CXCR1: variants seen among roughly 807,000 people sequenced by gnomAD.
CXCR1 encodes the protein C-X-C chemokine receptor type 1.
For synonymous variants in CXCR1, 180 were observed against 184.7 expected (o/e 0.97, Z 0.21); for missense variants, 419 against 440.5 (o/e 0.95, Z 0.44).
At chr2:218,165,306 T>C (rs1276820128) in intron 1 of CXCR1, 62 bp from the exon 2 acceptor site, 35 of 1,232,362 alleles carry the variant, frequency 2.8e-5, no homozygotes, top group Non-Finnish European at 1.2e-6. Flanking sequence ...TTCTCATCAA[T>C]GATGTGAGAG....
In CXCR1 at chr2:218,164,312, G is replaced by A. The variant is rs773089011; in HGVS notation, c.900C>T (p.Leu300=). The part of the protein sequence containing the change: ...TEILGFLHSC[L]NPIIYAFIGQ... Reference sequence around the variant, plus strand: ...CGATGAAGGCGTAGATGATGGGGTTGAGGCAGCTATGGAGAAATCCCAGAA... The same window carrying A: ...CGATGAAGGCGTAGATGATGGGGTTAAGGCAGCTATGGAGAAATCCCAGAA... The change falls in exon 2 of 2, where the codon CTC becomes CTT. Residue 300 remains leucine (L), a synonymous_variant. Transcript: ENST00000295683. 2 of 1,612,076 alleles carry A rather than the reference G, an allele frequency of 1.2e-6. No individual in the cohort carries two copies. Among genetic ancestry groups the A allele is most frequent in the African/African-American group, 1.3e-5 (1 of 74,872 alleles).
chr2:218,164,534 C>T lies in CXCR1; in HGVS notation c.678G>A (p.Leu226=). Residue 226 remains leucine, a synonymous_variant, in exon 2 of 2, where the codon CTG becomes CTA. Coordinates refer to ENST00000295683, the MANE Select transcript of CXCR1 (RefSeq NM_000634.3). ...FVMLFCYGFT[L]RTLFKAHMGQ... is the part of the protein sequence containing the mutation. The stretch of plus-strand genomic sequence containing the variant: ...CCATGTGGGCCTTAAACAGTGTACG[C>T]AGGGTGAATCCATAGCAGAACAGCA... The T allele has an allele frequency of 4.3e-6, 7 of 1,614,144 alleles. No homozygotes were observed. The highest frequency in any genetic ancestry group is 5.9e-6 in the Non-Finnish European group (7 of 1,180,042).
chr2:218,164,103 T>C lies in CXCR1; in HGVS notation c.*56A>G, dbSNP rs1477617351. 1.0e-5 allele frequency: 16 copies of C among 1,596,888 alleles called. No individual in the cohort carries two copies. Among genetic ancestry groups the C allele is most frequent in the Non-Finnish European group, 1.2e-5 (14 of 1,171,882 alleles). ...GCCAGATCACCTTCCACACACAACC[T>C]CAGGGTGTTGGTTATTCTTTCCTTC... is the stretch of plus-strand genomic sequence containing the variant. On this transcript the variant is annotated 3_prime_UTR_variant, in exon 2 of 2. Coordinates refer to ENST00000295683, the MANE Select transcript of CXCR1 (RefSeq NM_000634.3).
In CXCR1 at chr2:218,163,489, A is replaced by C. The variant is rs1028481781; in HGVS notation, c.*670T>G. On this transcript the variant is annotated 3_prime_UTR_variant, in exon 2 of 2. Transcript: ENST00000295683. ...ACTTGGGGCTCAGCAGGTGGCCAGC[A>C]CATGTGTCTGCGATGTTGGTCATGG... is the stretch of plus-strand genomic sequence containing the variant. The C allele has an allele frequency of 1.3e-5, 2 of 154,798 alleles. No individual in the cohort carries two copies. Among genetic ancestry groups the C allele is most frequent in the African/African-American group, 4.8e-5 (2 of 41,446 alleles). 9.6% of individuals were successfully genotyped at this position (154,798 alleles called of 1,614,324 possible). A position where few individuals can be genotyped will look rare whatever the true frequency, so the allele number is the denominator to read the frequency against.
Position 218,164,462 on chromosome 2 carries a change from G to A in CXCR1, c.750C>T (p.Ile250=), listed in dbSNP as rs1417637484. The change falls in exon 2 of 2, where the codon ATC becomes ATT. Residue 250 remains isoleucine, a synonymous_variant. Coordinates refer to ENST00000295683, the MANE Select transcript of CXCR1 (RefSeq NM_000634.3). ...TGTAGGGCAGCCAGCAAAGCAGGAA[G>A]ATGAGGACGACAGCAAAGATGACCC... The part of the protein sequence containing the change: ...AMRVIFAVVL[I]FLLCWLPYNL... 3 of 1,614,112 alleles carry A rather than the reference G, an allele frequency of 1.9e-6. No individual in the cohort carries two copies. Among genetic ancestry groups the A allele is most frequent in the African/African-American group, 2.7e-5 (2 of 74,942 alleles).
rs749800593 is a variant in CXCR1, at chr2:218,166,934, C to G, written c.-60G>C. The G allele has an allele frequency of 6.6e-6, 1 of 152,240 alleles. No individual in the cohort carries two copies. The highest frequency in any genetic ancestry group is 1.5e-5 in the Non-Finnish European group (1 of 68,048). 9.4% of individuals were successfully genotyped at this position (152,240 alleles called of 1,614,324 possible). A position where few individuals can be genotyped will look rare whatever the true frequency, so the allele number is the denominator to read the frequency against. ...TGAAGCACCGGCCAGGTGTGTCCAACAGTAGGAGCTGCAGTCAGAGATCAG... is the reference window on the plus strand; with the variant it reads ...TGAAGCACCGGCCAGGTGTGTCCAAGAGTAGGAGCTGCAGTCAGAGATCAG... On this transcript the variant is annotated 5_prime_UTR_variant, in exon 1 of 2. Coordinates refer to ENST00000295683, the MANE Select transcript of CXCR1 (RefSeq NM_000634.3).
chr2:218,163,642 G>T lies in CXCR1; in HGVS notation c.*517C>A, dbSNP rs1236440731. 1 of 161,378 alleles carries T rather than the reference G, an allele frequency of 6.2e-6. No individual in the cohort carries two copies. The highest frequency in any genetic ancestry group is 1.4e-5 in the Non-Finnish European group (1 of 72,334). 10.0% of individuals were successfully genotyped at this position (161,378 alleles called of 1,614,324 possible). ...GGCCAGCTGGCAGGTTGATGTTTTGGCAGTGCCTGCCTCAATGTCTCCAGC... is the reference window on the plus strand; with the variant it reads ...GGCCAGCTGGCAGGTTGATGTTTTGTCAGTGCCTGCCTCAATGTCTCCAGC... On this transcript the variant is annotated 3_prime_UTR_variant, in exon 2 of 2. Transcript: ENST00000295683.
chr2:218,165,363 G>C, intron 1 of CXCR1, 119 bp from the exon 2 acceptor site: 1 of 777,340 alleles, frequency 1.3e-6, no homozygotes, highest in Non-Finnish European at 2.2e-6. Context: ...GGCAATGAGA[G>C]CTCTCCTTCC....
rs139052408 is a variant in CXCR1 at position 218,164,601 on chromosome 2, A to G, written c.611T>C (p.Ile204Thr). 1.9e-6 allele frequency: 3 copies of G among 1,614,110 alleles called. No individual in the cohort carries two copies. Among genetic ancestry groups the G allele is most frequent in the Non-Finnish European group, 2.5e-6 (3 of 1,180,052 alleles). The change falls in exon 2 of 2, where the codon ATC becomes ACC. Residue 204 changes from isoleucine to threonine, a missense_variant. By Grantham distance (89) the Ile-to-Thr change is moderately conservative. Transcript: ENST00000295683. Reference protein sequence around the residue: ...DTAKWRMVLRILPHTFGFIVP... With the variant: ...DTAKWRMVLRTLPHTFGFIVP... ...GATGAAGCCAAAGGTGTGAGGCAGG[A>G]TCCGCAACACCATCCGCCATTTTGC...
Position 218,164,890 on chromosome 2 carries a change from A to G in CXCR1, c.322T>C (p.Phe108Leu), listed in dbSNP as rs1339156465. Residue 108 changes from phenylalanine to leucine, a missense_variant, in exon 2 of 2, where the codon TTC (phenylalanine) becomes CTC (leucine). By Grantham distance (22) the Phe-to-Leu change is conservative. Transcript: ENST00000295683. ...SKVNGWIFGT[F>L]LCKVVSLLKE... ...AGGAGTGAGACCACCTTGCACAGGAATGTGCCAAAAATCCAGCCATTCACC... is the reference window on the plus strand; with the variant it reads ...AGGAGTGAGACCACCTTGCACAGGAGTGTGCCAAAAATCCAGCCATTCACC... 1.2e-6 allele frequency: 2 copies of G among 1,614,136 alleles called. No homozygotes were observed. The highest frequency in any genetic ancestry group is 1.7e-6 in the Non-Finnish European group (2 of 1,180,048).
Position 218,164,209 on chromosome 2 carries a change from G to T in CXCR1, c.1003C>A (p.Arg335Ser). The change falls in exon 2 of 2, where the codon CGT becomes AGT. Residue 335 changes from arginine (R) to serine (S), a missense_variant. Coordinates refer to ENST00000295683, the MANE Select transcript of CXCR1 (RefSeq NM_000634.3). Reference sequence around the variant, plus strand: ...GACGAAGAAGTGTAGGAGGTAACACGATGACGTGCCAAGAACTCCTTGCTG... The same window carrying T: ...GACGAAGAAGTGTAGGAGGTAACACTATGACGTGCCAAGAACTCCTTGCTG... ...LVSKEFLARH[R>S]VTSYTSSSVN... 6.2e-7 allele frequency: 1 copy of T among 1,614,142 alleles called. No individual in the cohort carries two copies. Among genetic ancestry groups the T allele is most frequent in the Non-Finnish European group, 8.5e-7 (1 of 1,180,016 alleles).
At position 218,164,625 on chromosome 2, in the gene CXCR1, G is replaced by A. The variant is rs1691250469; in HGVS notation, c.587C>T (p.Ala196Val). The change falls in exon 2 of 2, where the codon GCA (alanine) becomes GTA (valine). Residue 196 changes from alanine to valine, a missense_variant. Coordinates refer to ENST00000295683, the MANE Select transcript of CXCR1 (RefSeq NM_000634.3). ...GATCCGCAACACCATCCGCCATTTT[G>A]CTGTGTCATTTCCCAGGACCTCATA... ...VCYEVLGNDT[A>V]KWRMVLRILP... is the part of the protein sequence containing the mutation. The A allele has an allele frequency of 6.2e-7, 1 of 1,614,232 alleles. No homozygotes were observed. Among genetic ancestry groups the A allele is most frequent in the African/African-American group, 1.3e-5 (1 of 75,046 alleles).
chr2:218,166,678 A>G (rs1392758574), intron 1 of CXCR1, among the ~76,000 whole-genome samples: 1 of 152,292 alleles, frequency 6.6e-6, no homozygotes, highest in African/African-American at 2.4e-5. Context: ...AATAAACATC[A>G]AATTGGGGAA....
intron 1 of CXCR1, among the ~76,000 whole-genome samples, chr2:218,166,438 AAAATAAAT>A (rs536654839): frequency 6.6e-6 from 1 of 152,040 alleles, no homozygotes; most frequent in African/African-American, 2.4e-5. Context: ...ACTCCATCTC[AAAATAAAT>A]AAATAAATAA....
Position 218,164,360 on chromosome 2 carries a change from G to A in CXCR1, c.852C>T (p.Gly284=), listed in dbSNP as rs1448958990. 1 of 1,613,144 alleles carries A rather than the reference G, an allele frequency of 6.2e-7. No individual in the cohort carries two copies. Among genetic ancestry groups the A allele is most frequent in the Non-Finnish European group, 8.5e-7 (1 of 1,179,202 alleles). The change falls in exon 2 of 2, where the codon GGC becomes GGT. Residue 284 remains glycine (G), a synonymous_variant. Coordinates refer to ENST00000295683, the MANE Select transcript of CXCR1 (RefSeq NM_000634.3). ...QESCERRNNI[G]RALDATEILG... ...GAATCTCAGTGGCATCCAGGGCCCG[G>A]CCGATGTTGTTGCGGCGCTCACAGC...
chr2:218,166,527 G>A lies in CXCR1; in HGVS notation c.-34+381C>T, dbSNP rs541114099. ...ATTTCAGTCTTCTCATCTGCAAATC[G>A]AGGAAGACAGAATCATCCACCTCTC... is the stretch of plus-strand genomic sequence containing the variant. On this transcript the variant is annotated intron_variant, in intron 1 of 1. Coordinates refer to ENST00000295683, the MANE Select transcript of CXCR1 (RefSeq NM_000634.3). Among the ~76,000 whole-genome samples the A allele has an allele frequency of 6.6e-5, 10 of 152,234 alleles. No individual in the cohort carries two copies. The South Asian group carries it at 1.7e-3, about 25-fold the overall frequency.
chr2:218,165,799 G>T lies in CXCR1; in HGVS notation c.-33-555C>A, dbSNP rs1245819332. Among the ~76,000 whole-genome samples the T allele has an allele frequency of 3.9e-5, 6 of 152,120 alleles. No homozygotes were observed. The South Asian group carries it at 1.2e-3, about 31-fold the overall frequency. On this transcript the variant is annotated intron_variant, in intron 1 of 1. Transcript: ENST00000295683. ...ATATTTTAAGCCTTCTTTAAATGAG[G>T]AGCACATATTTTGTTCCTCTGTCTA...
At chr2:218,166,768 G>A (rs1368290129) in intron 1 of CXCR1, 140 bp downstream of exon 1, 3 of 152,194 alleles carry the variant, frequency 2.0e-5, no homozygotes, top group African/African-American at 7.2e-5. Flanking sequence ...CTAACTCCAT[G>A]TATGAGTGGT....
At position 218,163,331 on chromosome 2, in the gene CXCR1, A is replaced by C. The variant is rs1340316639; in HGVS notation, c.*828T>G. 6.5e-6 allele frequency: 1 copy of C among 152,788 alleles called. No individual in the cohort carries two copies. Among genetic ancestry groups the C allele is most frequent in the African/African-American group, 2.4e-5 (1 of 41,456 alleles). 9.5% of individuals were successfully genotyped at this position (152,788 alleles called of 1,614,324 possible). ...GATACTTCCACAGGGACAAGCACGGAACAGAAGCTTTATTAGGAACATCTG... is the reference window on the plus strand; with the variant it reads ...GATACTTCCACAGGGACAAGCACGGCACAGAAGCTTTATTAGGAACATCTG... On this transcript the variant is annotated 3_prime_UTR_variant, in exon 2 of 2. Coordinates refer to ENST00000295683, the MANE Select transcript of CXCR1 (RefSeq NM_000634.3).
Sources: allele counts gnomAD v4.1 joint callset (sites outside exome capture counted in the v4.1 genomes callset), GRCh38; gene constraint gnomAD v4.1.1; transcripts MANE v1.5; gene names NCBI Gene and HGNC (gene_info 2026-07-23, HGNC 2026-07-21).